GPR137B: variants seen among roughly 807,000 people sequenced by gnomAD.
The protein encoded by GPR137B is G protein-coupled receptor 137B.
GPR137B carries 42 observed loss-of-function variants against 42.5 expected under a neutral mutation model. The ratio of observed to expected loss-of-function variants is 0.99; its 90% CI spans 0.77 to 1.28. GPR137B has a LOEUF of 1.28. Among genes scored for constraint, GPR137B ranks in the 50% most tolerant of loss-of-function variants. GPR137B has a pLI of 0.00. For synonymous variants in GPR137B, 218 were observed against 209.7 expected, an observed-to-expected ratio of 1.04 and a Z score of -0.34; for missense variants, 487 against 493.9, an observed-to-expected ratio of 0.99 and a Z score of 0.13.
intron 5 of GPR137B, among the ~76,000 whole-genome samples, chr1:236,186,760 C>G (rs1049603500): frequency 1.3e-5 from 2 of 152,012 alleles, no homozygotes; most frequent in Non-Finnish European, 2.9e-5. Flanking sequence ...GGGTTGGTTC[C>G]AAGTCTTTGC....
chr1:236,190,297 T>C (rs1663158499), intron 5 of GPR137B, among the ~76,000 whole-genome samples: 1 of 152,196 alleles, frequency 6.6e-6, no homozygotes, highest in Admixed American at 6.5e-5. Context: ...TTTGCCAGTC[T>C]GTGTCTTTTA....
chr1:236,143,739 A>C (rs902605323), intron 1 of GPR137B, among the ~76,000 whole-genome samples: 1 of 152,178 alleles, frequency 6.6e-6, no homozygotes, highest in African/African-American at 2.4e-5. Flanking sequence ...GCCACACAAA[A>C]ATCACTTTAT....
chr1:236,188,989 A>G (rs1178568681), intron 5 of GPR137B, among the ~76,000 whole-genome samples: 1 of 152,084 alleles, frequency 6.6e-6, no homozygotes, highest in Non-Finnish European at 1.5e-5. Context: ...TTACTGCCTC[A>G]ATTTCAGAAC....
chr1:236,182,020 G>A (rs922874044), intron 4 of GPR137B, among the ~76,000 whole-genome samples: 1 of 151,708 alleles, frequency 6.6e-6, no homozygotes, highest in Non-Finnish European at 1.5e-5. Flanking sequence ...AGCCTCCTGA[G>A]TAGCTGGGAA....
At chr1:236,193,164 G>C (rs969313107) in intron 5 of GPR137B, among the ~76,000 whole-genome samples, 1 of 152,020 alleles carries the variant, frequency 6.6e-6, no homozygotes, top group Non-Finnish European at 1.5e-5. Flanking sequence ...CAAAGTGCTG[G>C]GATTACAGGT....
At chr1:236,188,463 A>G (rs1190457709) in intron 5 of GPR137B, among the ~76,000 whole-genome samples, 1 of 152,148 alleles carries the variant, frequency 6.6e-6, no homozygotes. Context: ...TGGGTTTGTC[A>G]TAAATAGCTA....
At chr1:236,166,484 T>TTA (rs373361122) in intron 1 of GPR137B, among the ~76,000 whole-genome samples, 6,291 of 139,412 alleles carry the variant, frequency 0.045, 589 homozygotes, top group African/African-American at 0.17. Context: ...TTATATATAT[T>TTA]TATATATACA....
rs1393506367 is a variant in GPR137B at position 236,156,138 on chromosome 1, G to A, written c.415-12568G>A. On this transcript the variant is annotated intron_variant, in intron 1 of 6. Coordinates refer to ENST00000366592, the MANE Select transcript of GPR137B (RefSeq NM_003272.4). The surrounding 1 kb of genome is among the most constrained non-coding windows in gnomAD (Gnocchi z 4.8). The stretch of plus-strand genomic sequence containing the variant: ...TATGGAAATCCAGAGAAGCAATTAT[G>A]GTTGGCTTCTGATCACGTGGGAAGA... Among the ~76,000 whole-genome samples the A allele has an allele frequency of 6.6e-6, 1 of 152,208 alleles. No individual in the cohort carries two copies. Among genetic ancestry groups the A allele is most frequent in the African/African-American group, 2.4e-5 (1 of 41,456 alleles).
chr1:236,188,383 C>T lies in GPR137B; in HGVS notation c.966+4477C>T, dbSNP rs563764352. Reference sequence around the variant, plus strand: ...GTTGAATAGGAGTGGTGAGAGAGGGCATCCTTGCCTTGTGCGGGTTTTCAA... The same window carrying T: ...GTTGAATAGGAGTGGTGAGAGAGGGTATCCTTGCCTTGTGCGGGTTTTCAA... On this transcript the variant is annotated intron_variant, in intron 5 of 6. Transcript: ENST00000366592. 2.6e-5 allele frequency among the ~76,000 whole-genome samples: 4 copies of T among 152,320 alleles called. No individual in the cohort carries two copies. The East Asian group carries it at 7.7e-4, about 29-fold the overall frequency.
At chr1:236,168,861 C>T (rs570255737) in intron 2 of GPR137B, 106 bp downstream of exon 2, 295 of 845,640 alleles carry the variant, frequency 3.5e-4, no homozygotes, top group Non-Finnish European at 5.1e-4. Context: ...TGTGAGCCGC[C>T]GGAAACAGTC....
In GPR137B at chr1:236,205,230, C is replaced by A. The variant is rs1474381489; in HGVS notation, c.1071C>A (p.Ala357=). 1 of 1,613,180 alleles carries A rather than the reference C, an allele frequency of 6.2e-7. No homozygotes were observed. Among genetic ancestry groups the A allele is most frequent in the Non-Finnish European group, 8.5e-7 (1 of 1,179,368 alleles). Residue 357 remains alanine, a synonymous_variant, in exon 6 of 7, where the codon GCC becomes GCA. Transcript: ENST00000366592. The part of the protein sequence containing the change: ...DSDDDLAWNI[A]PQGLQGGFAP... The stretch of plus-strand genomic sequence containing the variant: ...ATGATGACCTTGCCTGGAACATTGC[C>A]CCTCAGGGACTTCAGGGAGGGTAAG...
rs1571993787 is a variant in GPR137B, at chr1:236,183,721, A to G, written c.838-57A>G. ...TCTCTGTTCACATTAGAAAGAAACA[A>G]TCAAATTTATTTCCTCTTCCCTTGG... On this transcript the variant is annotated intron_variant, in intron 4 of 6. Coordinates refer to ENST00000366592, the MANE Select transcript of GPR137B (RefSeq NM_003272.4). 8.2e-6 allele frequency: 11 copies of G among 1,335,232 alleles called. No individual in the cohort carries two copies. In the East Asian group the frequency reaches 2.1e-4, roughly 25 times the overall value. 82.7% of individuals were successfully genotyped at this position (1,335,232 alleles called of 1,614,324 possible).
intron 6 of GPR137B, among the ~76,000 whole-genome samples, chr1:236,207,727 C>T (rs1311195656): frequency 2.0e-5 from 3 of 152,276 alleles, no homozygotes; most frequent in Admixed American, 1.3e-4. Context: ...CCAAAGACAC[C>T]ACCACAGGTT....
chr1:236,178,737 G>A (rs1662767836), intron 3 of GPR137B, 101 bp downstream of exon 3: 8 of 556,108 alleles, frequency 1.4e-5, no homozygotes, highest in Non-Finnish European at 2.5e-5. Context: ...ACTTGATTTT[G>A]CCTTGACTTT....
Position 236,171,030 on chromosome 1 carries a change from A to G in GPR137B, c.464+2275A>G, listed in dbSNP as rs1007419483. On this transcript the variant is annotated intron_variant, in intron 2 of 6. Coordinates refer to ENST00000366592, the MANE Select transcript of GPR137B (RefSeq NM_003272.4). The surrounding 1 kb of genome is among the most constrained non-coding windows in gnomAD (Gnocchi z 4.4). Reference sequence around the variant, plus strand: ...TGTATACATAATGAGAGATGGGGGGATTGGATGGGACACAAATCTAACACG... The same window carrying G: ...TGTATACATAATGAGAGATGGGGGGGTTGGATGGGACACAAATCTAACACG... 3.3e-5 allele frequency among the ~76,000 whole-genome samples: 5 copies of G among 151,538 alleles called. No homozygotes were observed. Among genetic ancestry groups the G allele is most frequent in the Admixed American group, 6.6e-5 (1 of 15,182 alleles).
At chr1:236,147,916 C>T (rs1413386433) in intron 1 of GPR137B, among the ~76,000 whole-genome samples, 5 of 152,214 alleles carry the variant, frequency 3.3e-5, no homozygotes, top group African/African-American at 1.2e-4. Context: ...TCTGCTAACT[C>T]TCTCCGGGCC....
intron 1 of GPR137B, among the ~76,000 whole-genome samples, chr1:236,143,468 G>A (rs1661593614): frequency 6.6e-6 from 1 of 152,254 alleles, no homozygotes; most frequent in African/African-American, 2.4e-5. Flanking sequence ...TCTTCTGCAC[G>A]TTGGCCTCCA....
chr1:236,183,858 C>T lies in GPR137B; in HGVS notation c.918C>T (p.Thr306=), dbSNP rs775257659. Residue 306 remains threonine (T), a synonymous_variant, in exon 5 of 7, where the codon ACC becomes ACT. Coordinates refer to ENST00000366592, the MANE Select transcript of GPR137B (RefSeq NM_003272.4). The part of the protein sequence containing the change: ...VVLFVWELLP[T]TLVVYFFRVR... ...TATTTGTTTGGGAACTCTTACCTAC[C>T]ACCTTAGTCGTTTATTTCTTCCGAG... 3.1e-6 allele frequency: 5 copies of T among 1,605,692 alleles called. No individual in the cohort carries two copies. Among genetic ancestry groups the T allele is most frequent in the Non-Finnish European group, 4.3e-6 (5 of 1,172,588 alleles).
At chr1:236,188,312 T>G (rs775127447) in intron 5 of GPR137B, among the ~76,000 whole-genome samples, 2 of 152,242 alleles carry the variant, frequency 1.3e-5, no homozygotes, top group Non-Finnish European at 2.9e-5. Flanking sequence ...ATATGCTTTC[T>G]TTCTTTCTCT....
Sources: gnomAD v4.1 joint callset for allele counts (sites outside exome capture counted in the v4.1 genomes callset) on GRCh38, gnomAD v4.1.1 for gene constraint, Gnocchi (gnomAD v3.1) non-coding constraint, MANE v1.5 for transcripts, NCBI Gene and HGNC (gene_info 2026-07-23, HGNC 2026-07-21) for gene names.